CTSC: variants seen among roughly 807,000 people sequenced by gnomAD.
The protein encoded by CTSC is cathepsin C.
A neutral mutation model predicts 40.9 loss-of-function variants in CTSC; 37 were observed. That is an observed-to-expected ratio of 0.91 (90% CI 0.70 to 1.19). The LOEUF (loss-of-function observed/expected upper bound fraction) is 1.19. Among genes scored for constraint, CTSC ranks in the 50% most tolerant of loss-of-function variants. CTSC has a pLI of 0.00. For synonymous variants in CTSC, 232 were observed against 207.4 expected (o/e 1.12, Z -1.02); for missense variants, 594 against 567.3 (o/e 1.05, Z -0.48).
At chr11:88,323,147 T>A (rs183882394) in intron 2 of CTSC, 3 of 152,258 alleles carry the variant, frequency 2.0e-5, no homozygotes, top group Admixed American at 6.5e-5. Flanking sequence ...ATTCATCACA[T>A]AAACAGAACT....
chr11:88,325,334 C>T (rs1938151695), intron 2 of CTSC: 7 of 985,364 alleles, frequency 7.1e-6, no homozygotes, highest in Non-Finnish European at 8.4e-6. Flanking sequence ...AGTCAGTAGC[C>T]TAATAGCTAA....
chr11:88,320,953 T>A, intron 2 of CTSC: 3 of 984,412 alleles, frequency 3.0e-6, no homozygotes, highest in Non-Finnish European at 3.6e-6. Flanking sequence ...CAGAGAGGAA[T>A]ACAAACAGGC....
At chr11:88,333,004 G>T (rs1938402911) in intron 2 of CTSC, among the ~76,000 whole-genome samples, 1 of 152,156 alleles carries the variant, frequency 6.6e-6, no homozygotes, top group Admixed American at 6.5e-5. Flanking sequence ...TTAGGCAATG[G>T]CAAAACACCA....
intron 2 of CTSC, 182 bp downstream of exon 2, chr11:88,334,755 C>T (rs1938444493): frequency 3.4e-6 from 2 of 585,734 alleles, no homozygotes; most frequent in South Asian, 4.3e-5. Flanking sequence ...TGTAAACCTA[C>T]TAAAATCATA....
chr11:88,301,804 ACGCGCG>A (rs144184525), intron 4 of CTSC, among the ~76,000 whole-genome samples: 7 of 91,126 alleles, frequency 7.7e-5, no homozygotes, highest in African/African-American at 1.8e-4. Context: ...ACACAAACAC[ACGCGCG>A]CACACACACA....
intron 1 of CTSC, among the ~76,000 whole-genome samples, chr11:88,336,368 TCTCTA>T (rs1938493715): frequency 6.6e-6 from 1 of 151,502 alleles, no homozygotes; most frequent in South Asian, 2.1e-4. Context: ...GTGAAACCCG[TCTCTA>T]CTAAAAATAC....
chr11:88,325,776 T>C, intron 2 of CTSC: 1 of 985,622 alleles, frequency 1.0e-6, no homozygotes, highest in Non-Finnish European at 1.2e-6. Context: ...TGTAGAAGTA[T>C]ACTATAGCAG....
intron 2 of CTSC, among the ~76,000 whole-genome samples, chr11:88,330,802 C>T (rs1189428488): frequency 6.6e-6 from 1 of 152,188 alleles, no homozygotes; most frequent in Non-Finnish European, 1.5e-5. Flanking sequence ...CCCCCAATTT[C>T]TCAAGCTGTT....
intron 4 of CTSC, among the ~76,000 whole-genome samples, 161 bp from the exon 5 acceptor site, chr11:88,300,806 A>T (rs1944351740): frequency 6.6e-6 from 1 of 151,938 alleles, no homozygotes; most frequent in Non-Finnish European, 1.5e-5. Flanking sequence ...TGTCAATTAC[A>T]CAATGGAGTT....
At chr11:88,323,837 C>T (rs1938101490) in intron 2 of CTSC, 1 of 152,096 alleles carries the variant, frequency 6.6e-6, no homozygotes, top group Admixed American at 6.6e-5. Flanking sequence ...GGCCATACTG[C>T]CCAAAGCAAT....
rs1007537657 is a variant in CTSC at position 88,296,323 on chromosome 11, T to C, written c.758-59A>G. The C allele has an allele frequency of 6.2e-6, 10 of 1,604,706 alleles. No homozygotes were observed. In the Admixed American group the frequency reaches 1.5e-4, roughly 24 times the overall value. ...ACATCTGAAGCCTCACAGAGAATCA[T>C]GCAAAAACCTTAGTGAATCACATAC... On this transcript the variant is annotated intron_variant, in intron 5 of 6. Coordinates refer to ENST00000227266, the MANE Select transcript of CTSC (RefSeq NM_001814.6).
chr11:88,326,449 A>C, intron 2 of CTSC: 1 of 1,601,418 alleles, frequency 6.2e-7, no homozygotes, highest in Non-Finnish European at 8.6e-7. Context: ...AATAACTACA[A>C]GACAATAAAA....
chr11:88,330,095 T>G (rs1938308196), intron 2 of CTSC, among the ~76,000 whole-genome samples: 1 of 152,228 alleles, frequency 6.6e-6, no homozygotes, highest in Non-Finnish European at 1.5e-5. Flanking sequence ...TACTAAAATC[T>G]GATAATCTTA....
chr11:88,315,207 G>A (rs1009516681), intron 2 of CTSC, among the ~76,000 whole-genome samples: 4 of 152,018 alleles, frequency 2.6e-5, no homozygotes, highest in Non-Finnish European at 5.9e-5. Context: ...GGGTTAGGCC[G>A]ATGCTCCCTC....
intron 2 of CTSC, among the ~76,000 whole-genome samples, chr11:88,334,153 T>C (rs1436999352): frequency 1.3e-5 from 2 of 152,234 alleles, no homozygotes; most frequent in African/African-American, 4.8e-5. Flanking sequence ...TCTGTCTTAA[T>C]TTATACTCTA....
In CTSC at chr11:88,334,927, C is replaced by CA; in HGVS notation, c.318+9dup. On this transcript the variant is annotated intron_variant, in intron 2 of 6. Transcript: ENST00000227266. ...TTGAAAATGTAAATCCAACTTCCAA[C>CA]AAAACTAACCTTAAAAAAGGCAAAC... 4.4e-6 allele frequency: 7 copies of CA among 1,602,518 alleles called. No individual in the cohort carries two copies. Among genetic ancestry groups the CA allele is most frequent in the Non-Finnish European group, 6.0e-6 (7 of 1,169,688 alleles).
chr11:88,336,673 G>A (rs1361345255), intron 1 of CTSC, among the ~76,000 whole-genome samples: 3 of 151,972 alleles, frequency 2.0e-5, no homozygotes, highest in Admixed American at 2.0e-4. Flanking sequence ...ATTTTTTACT[G>A]ACTCTGCAGA....
At chr11:88,310,223 A>G (rs534933753) in intron 3 of CTSC, among the ~76,000 whole-genome samples, 26 of 151,566 alleles carry the variant, frequency 1.7e-4, no homozygotes, top group African/African-American at 6.3e-4. Flanking sequence ...GTGATTCACA[A>G]TAACATTAAA....
At position 88,295,767 on chromosome 11, in the gene CTSC, G is replaced by C. The variant is rs372921745; in HGVS notation, c.889+366C>G. Among the ~76,000 whole-genome samples, 104 of 152,244 alleles carry C rather than the reference G, an allele frequency of 6.8e-4. 1 individual carries two copies. In the South Asian group the frequency reaches 0.021, roughly 31 times the overall value. ...AGTTGGGTTTTGGAGACGATGATTA[G>C]AAGTGAAACTCCAATGCTAAAAGCT... is the stretch of plus-strand genomic sequence containing the variant. On this transcript the variant is annotated intron_variant, in intron 6 of 6. Transcript: ENST00000227266.
Sources: allele counts gnomAD v4.1 joint callset (sites outside exome capture counted in the v4.1 genomes callset), GRCh38; gene constraint gnomAD v4.1.1; transcripts MANE v1.5; gene names NCBI Gene and HGNC (gene_info 2026-07-23, HGNC 2026-07-21).